Variants in BTBD19 observed in about 807,000 individuals in gnomAD.
The protein encoded by BTBD19 is BTB domain containing 19, also known as BTB/POZ domain-containing protein 19.
BTBD19 carries 20 observed loss-of-function variants against 36.1 expected under a neutral mutation model. The ratio of observed to expected loss-of-function variants is 0.55; its 90% CI spans 0.39 to 0.80. The LOEUF is 0.80. Ranked by LOEUF, BTBD19 falls within the 30% of genes least tolerant of loss-of-function variation. BTBD19 has a pLI of 0.00. For synonymous variants in BTBD19, 157 were observed against 174.3 expected, an observed-to-expected ratio of 0.90 and a Z score of 0.78; for missense variants, 325 against 389.8, an observed-to-expected ratio of 0.83 and a Z score of 1.40.
Position 44,813,310 on chromosome 1 carries a change from G to C in BTBD19, c.615+41G>C. 6 of 1,538,294 alleles carry C rather than the reference G, an allele frequency of 3.9e-6. No individual in the cohort carries two copies. Among genetic ancestry groups the C allele is most frequent in the Non-Finnish European group, 5.2e-6 (6 of 1,145,402 alleles). On this transcript the variant is annotated intron_variant, in intron 6 of 7. Transcript: ENST00000450269. This position sits in a 1 kb window ranked among gnomAD's most constrained non-coding sequence, Gnocchi z 7.8. ...GGAGCGCAAGGGCACGGAAGGAGGT[G>C]CTGGCCACGAGACTGGTGAGCGGGC...
chr1:44,814,126 CCTCT>C, exon 8 of BTBD19: 1 of 296,034 alleles, frequency 3.4e-6, no homozygotes, highest in Non-Finnish European at 6.2e-6. Context: ...AGCTCAGCTC[CCTCT>C]TTCTTTTCTT....
intron 4 of BTBD19, chr1:44,812,654 G>A (rs185618879): frequency 4.0e-5 from 17 of 421,666 alleles, no homozygotes; most frequent in East Asian, 2.7e-4. Flanking sequence ...CCGAGATTGC[G>A]CCACTGCACA....
At position 44,813,701 on chromosome 1, in the gene BTBD19, G is replaced by A. The variant is rs1484780564; in HGVS notation, c.805G>A (p.Ala269Thr). 7.7e-6 allele frequency: 12 copies of A among 1,551,296 alleles called. No individual in the cohort carries two copies. The highest frequency in any genetic ancestry group is 3.9e-5 in the Admixed American group (2 of 50,988). ...GCGGAGAGGGGATGAGGCCCGGGGCGCCCCGTGTCGCCGCCGGAGAGGCAC... is the reference window on the plus strand; with the variant it reads ...GCGGAGAGGGGATGAGGCCCGGGGCACCCCGTGTCGCCGCCGGAGAGGCAC... Residue 269 changes from alanine to threonine, a missense_variant, in exon 8 of 8, where the codon GCC becomes ACC. Transcript: ENST00000450269. The surrounding 1 kb of genome is among the most constrained non-coding windows in gnomAD (Gnocchi z 7.8).
chr1:44,810,262 C>T lies in BTBD19; in HGVS notation c.136C>T (p.Arg46Trp), dbSNP rs866398818. The change falls in exon 2 of 8, where the codon CGG becomes TGG. Residue 46 changes from arginine (R) to tryptophan (W), a missense_variant. Arg to Trp is a moderately radical substitution (Grantham distance 101). Transcript: ENST00000450269. The surrounding 1 kb of genome is among the most constrained non-coding windows in gnomAD (Gnocchi z 4.2). ...AGAACGGCAGGAGGTATTTGCCCAT[C>T]GGTGCTTGTTGGCCTGTAGATGCAA... 3.9e-6 allele frequency: 6 copies of T among 1,551,734 alleles called. No homozygotes were observed. The highest frequency in any genetic ancestry group is 2.4e-5 in the East Asian group (1 of 40,934).
chr1:44,814,148 C>CTCTCTCTT (rs1362008368), downstream of BTBD19: 15 of 159,384 alleles, frequency 9.4e-5, no homozygotes, highest in Non-Finnish European at 1.6e-4. Context: ...CTTTTTCTTT[C>CTCTCTCTT]TCTTTCTTTC....
chr1:44,815,571 G>A (rs908898202), downstream of BTBD19: 9 of 140,972 alleles, frequency 6.4e-5, no homozygotes, highest in Admixed American at 1.4e-4. Context: ...TTAAGTAAAT[G>A]ACTTTATTTA....
rs1652490492 is a variant in BTBD19 at position 44,812,896 on chromosome 1, A to AGCTAGG, written c.415-92_415-87dup. 6 of 1,169,164 alleles carry AGCTAGG rather than the reference A, an allele frequency of 5.1e-6. No individual in the cohort carries two copies. The South Asian group carries it at 9.6e-5, about 19-fold the overall frequency. The allele number at this position is 1,169,164 out of a possible 1,614,324, so 72.4% of individuals were successfully genotyped here. ...GGCTGAGGGCCCTGTCAGCCTCCCC[A>AGCTAGG]GCTAGGGCTAGGGTCAGGCTTGCAG... On this transcript the variant is annotated intron_variant, in intron 4 of 7. Coordinates refer to ENST00000450269, the Ensembl canonical transcript of BTBD19.
chr1:44,810,749 G>A lies in BTBD19; in HGVS notation c.354+142G>A, dbSNP rs779284440. 3.7e-5 allele frequency: 27 copies of A among 732,654 alleles called. No homozygotes were observed. The highest frequency in any genetic ancestry group is 5.4e-5 in the Non-Finnish European group (26 of 485,396). 45.4% of individuals were successfully genotyped at this position (732,654 alleles called of 1,614,324 possible). ...TATGTATATCTCTCCCAAGTAAGTA[G>A]GGCATGTATGTGTGCCTGTGTGCAA... On this transcript the variant is annotated intron_variant, in intron 3 of 7. Transcript: ENST00000450269. This position sits in a 1 kb window ranked among gnomAD's most constrained non-coding sequence, Gnocchi z 4.2.
chr1:44,813,615 CACTAA>C lies in BTBD19; in HGVS notation c.742-22_742-18del. ...GGCGAGGGGCCACCGCGGGACTGCG[CACTAA>C]CTGGCCTTGCTCTGCAGGTGGAGCA... On this transcript the variant is annotated intron_variant, in intron 7 of 7. Transcript: ENST00000450269. The surrounding 1 kb of genome is among the most constrained non-coding windows in gnomAD (Gnocchi z 7.8). 2 of 1,544,922 alleles carry C rather than the reference CACTAA, an allele frequency of 1.3e-6. No homozygotes were observed. The highest frequency in any genetic ancestry group is 1.8e-6 in the Non-Finnish European group (2 of 1,141,994).
intron 4 of BTBD19, chr1:44,812,529 C>T: frequency 2.3e-6 from 1 of 439,940 alleles, no homozygotes; most frequent in Middle Eastern, 7.3e-4. Flanking sequence ...CACGGTGAAA[C>T]CCTGTCTCTA....
Position 44,813,819 on chromosome 1 carries a change from C to G in BTBD19, c.*47C>G, listed in dbSNP as rs1652556154. 1 of 1,549,804 alleles carries G rather than the reference C, an allele frequency of 6.5e-7. No homozygotes were observed. The highest frequency in any genetic ancestry group is 2.0e-5 in the Admixed American group (1 of 50,982). On this transcript the variant is annotated 3_prime_UTR_variant, in exon 8 of 8. Coordinates refer to ENST00000450269, the Ensembl canonical transcript of BTBD19. This position sits in a 1 kb window ranked among gnomAD's most constrained non-coding sequence, Gnocchi z 7.8. ...GAGCCCTCGACCCGCCCAGCTGAGC[C>G]TGCCCCAAACTACAGCTCCCGAAGT...
At chr1:44,808,990 C>T in intron 1 of BTBD19, 84 bp downstream of exon 1, 1 of 1,207,470 alleles carries the variant, frequency 8.3e-7, no homozygotes, top group Non-Finnish European at 1.1e-6. Flanking sequence ...TGAGAAGAGG[C>T]TGGGAATTAG....
At chr1:44,811,076 C>T (rs532282891) in intron 3 of BTBD19, among the ~76,000 whole-genome samples, 2 of 152,164 alleles carry the variant, frequency 1.3e-5, no homozygotes, top group South Asian at 4.1e-4. Context: ...AAAAATTAGC[C>T]AGGCATGGTG....
downstream of BTBD19, chr1:44,814,186 C>CT (rs1263368228): frequency 7.0e-6 from 1 of 143,722 alleles, no homozygotes; most frequent in South Asian, 2.1e-4. Context: ...TTCTTTCTTT[C>CT]TTTCTTTCTT....
At chr1:44,812,375 T>G in intron 4 of BTBD19, 1 of 455,884 alleles carries the variant, frequency 2.2e-6, no homozygotes, top group Non-Finnish European at 4.4e-6. Context: ...GGTTCTCAGC[T>G]TGACTTGGGG....
downstream of BTBD19, chr1:44,814,168 T>G (rs148061166): frequency 3.6e-4 from 50 of 138,056 alleles, 3 homozygotes; most frequent in Middle Eastern, 2.7e-3. Flanking sequence ...CTTTCTTTCT[T>G]TCTTTCTTTC....
chr1:44,815,129 T>A (rs1652649128), downstream of BTBD19: 1 of 152,202 alleles, frequency 6.6e-6, no homozygotes, highest in Non-Finnish European at 1.5e-5. Context: ...GTTCAACCTG[T>A]CCTGTCTGAC....
chr1:44,809,630 C>G (rs75227344), intron 1 of BTBD19, among the ~76,000 whole-genome samples: 1 of 152,240 alleles, frequency 6.6e-6, no homozygotes, highest in Non-Finnish European at 1.5e-5. Flanking sequence ...TCATCTGCCT[C>G]CTATCCCCTG....
chr1:44,810,673 C>A lies in BTBD19; in HGVS notation c.354+66C>A, dbSNP rs1557632085. 1 of 1,428,356 alleles carries A rather than the reference C, an allele frequency of 7.0e-7. No individual in the cohort carries two copies. Among genetic ancestry groups the A allele is most frequent in the Non-Finnish European group, 9.4e-7 (1 of 1,064,778 alleles). 88.5% of individuals were successfully genotyped at this position (1,428,356 alleles called of 1,614,324 possible). On this transcript the variant is annotated intron_variant, in intron 3 of 7. Coordinates refer to ENST00000450269, the Ensembl canonical transcript of BTBD19. The surrounding 1 kb of genome is among the most constrained non-coding windows in gnomAD (Gnocchi z 4.2). Reference sequence around the variant, plus strand: ...TCTCACGGGCTCACTTCCCGCCCTGCCTCACACACACTCTGGCCTGGAGAG... The same window carrying A: ...TCTCACGGGCTCACTTCCCGCCCTGACTCACACACACTCTGGCCTGGAGAG...
Sources: allele counts gnomAD v4.1 joint callset (sites outside exome capture counted in the v4.1 genomes callset), GRCh38; gene constraint gnomAD v4.1.1; non-coding constraint Gnocchi (gnomAD v3.1); transcripts MANE v1.5; gene names NCBI Gene and HGNC (gene_info 2026-07-23, HGNC 2026-07-21).